KCNQ5: variants seen among roughly 807,000 people sequenced by gnomAD.
KCNQ5 encodes the protein potassium voltage-gated channel subfamily Q member 5.
Under a neutral mutation model 98.2 loss-of-function variants are expected in KCNQ5, and 30 were observed. The observed-to-expected ratio is 0.31, with a 90% CI of 0.23 to 0.41. KCNQ5 has a LOEUF of 0.41. Among genes scored for constraint, KCNQ5 ranks in the 10% least tolerant of loss-of-function variants. The pLI, the probability that KCNQ5 is intolerant of heterozygous loss-of-function variation, is 1.00. For missense variants in KCNQ5, 835 were observed against 1,182.5 expected, an observed-to-expected ratio of 0.71 and a Z score of 4.31; for synonymous variants, 458 against 449.4, an observed-to-expected ratio of 1.02 and a Z score of -0.24.
At chr6:72,940,939 A>C (rs2153830) in intron 1 of KCNQ5, among the ~76,000 whole-genome samples, 89,199 of 152,056 alleles carry the variant, frequency 0.59, 31,191 homozygotes, top group Non-Finnish European at 0.75. Context: ...GTGGGAAAAA[A>C]ATTTAAATTA....
chr6:72,624,111 C>T (rs922345769), intron 1 of KCNQ5, among the ~76,000 whole-genome samples: 1 of 152,208 alleles, frequency 6.6e-6, no homozygotes, highest in African/African-American at 2.4e-5. Context: ...GGTTGTGTTG[C>T]ATCATCATTA....
chr6:73,191,352 A>G (rs1338121724), intron 12 of KCNQ5, among the ~76,000 whole-genome samples: 1 of 152,146 alleles, frequency 6.6e-6, no homozygotes, highest in African/African-American at 2.4e-5. Flanking sequence ...CATGTCCTGT[A>G]CGGTTCTACA....
intron 1 of KCNQ5, among the ~76,000 whole-genome samples, chr6:72,889,240 G>A (rs138919760): frequency 6.6e-6 from 1 of 152,284 alleles, no homozygotes; most frequent in East Asian, 1.9e-4. Context: ...AGACCCTGGA[G>A]TGTGATTGTG....
chr6:73,141,635 T>C (rs888848672), intron 10 of KCNQ5, among the ~76,000 whole-genome samples: 1 of 152,184 alleles, frequency 6.6e-6, no homozygotes, highest in Admixed American at 6.5e-5. Flanking sequence ...ATGGATTTCA[T>C]CTCCTCCCTT....
chr6:72,798,302 A>C (rs1479829607), intron 1 of KCNQ5, among the ~76,000 whole-genome samples: 2 of 152,214 alleles, frequency 1.3e-5, no homozygotes, highest in East Asian at 3.8e-4. Context: ...GGTATCCTGC[A>C]AAGTTTATGT....
At chr6:72,941,958 G>A (rs767668119) in intron 1 of KCNQ5, among the ~76,000 whole-genome samples, 3 of 152,082 alleles carry the variant, frequency 2.0e-5, no homozygotes, top group Admixed American at 6.5e-5. Flanking sequence ...TGTTTTGTAA[G>A]GGCATATGTC....
At chr6:73,175,946 T>A (rs556732584) in intron 11 of KCNQ5, among the ~76,000 whole-genome samples, 1 of 152,114 alleles carries the variant, frequency 6.6e-6, no homozygotes, top group African/African-American at 2.4e-5. Context: ...AAGGAGGATA[T>A]AGAGGCTGGG....
chr6:72,855,132 C>T (rs1480239000), intron 1 of KCNQ5, among the ~76,000 whole-genome samples: 1 of 152,106 alleles, frequency 6.6e-6, no homozygotes, highest in African/African-American at 2.4e-5. Context: ...CAGTATTAAA[C>T]ATTCAAATTT....
At chr6:72,652,780 A>G (rs1765941211) in intron 1 of KCNQ5, among the ~76,000 whole-genome samples, 1 of 152,048 alleles carries the variant, frequency 6.6e-6, no homozygotes, top group African/African-American at 2.4e-5. Flanking sequence ...AAGAACACCC[A>G]ATCCTAGTCA....
intron 1 of KCNQ5, among the ~76,000 whole-genome samples, chr6:72,650,323 T>A (rs1008556715): frequency 6.6e-6 from 1 of 152,108 alleles, no homozygotes; most frequent in African/African-American, 2.4e-5. Context: ...TCTGGTTATA[T>A]CACATTTTAG....
intron 1 of KCNQ5, among the ~76,000 whole-genome samples, chr6:72,867,234 C>A (rs1370682295): frequency 2.0e-5 from 3 of 152,232 alleles, no homozygotes; most frequent in Non-Finnish European, 4.4e-5. Context: ...GAGTTTCTCA[C>A]AGTTTTCTTT....
chr6:73,168,479 G>A (rs1443917415), intron 10 of KCNQ5, among the ~76,000 whole-genome samples: 1 of 152,168 alleles, frequency 6.6e-6, no homozygotes, highest in Admixed American at 6.5e-5. Flanking sequence ...AAGGCAGACG[G>A]GTCACTTGAG....
chr6:72,863,363 C>T (rs1777845500), intron 1 of KCNQ5, among the ~76,000 whole-genome samples: 1 of 152,182 alleles, frequency 6.6e-6, no homozygotes, highest in African/African-American at 2.4e-5. Context: ...CATCCTAACA[C>T]CATAAATCAC....
At chr6:72,744,070 A>G (rs1045405886) in intron 1 of KCNQ5, among the ~76,000 whole-genome samples, 2 of 151,616 alleles carry the variant, frequency 1.3e-5, no homozygotes, top group Non-Finnish European at 2.9e-5. Flanking sequence ...GATACTGGTA[A>G]ATCATGCACT....
At chr6:73,158,141 G>C (rs1014954578) in intron 10 of KCNQ5, 11 of 383,916 alleles carry the variant, frequency 2.9e-5, no homozygotes, top group East Asian at 1.9e-4. Context: ...GTTGCTCCTG[G>C]TGCGGGGGAG....
At chr6:72,720,236 T>A (rs1270985692) in intron 1 of KCNQ5, among the ~76,000 whole-genome samples, 2 of 152,216 alleles carry the variant, frequency 1.3e-5, no homozygotes, top group African/African-American at 4.8e-5. Context: ...CTTAACCTTC[T>A]GGCAAGTTAG....
chr6:72,891,694 A>G (rs1190406578), intron 1 of KCNQ5, among the ~76,000 whole-genome samples: 1 of 152,184 alleles, frequency 6.6e-6, no homozygotes, highest in Non-Finnish European at 1.5e-5. Flanking sequence ...CAACTCTACC[A>G]TCTTGTTTAA....
chr6:72,836,335 A>G (rs1408762506), intron 1 of KCNQ5, among the ~76,000 whole-genome samples: 1 of 152,156 alleles, frequency 6.6e-6, no homozygotes, highest in Non-Finnish European at 1.5e-5. Flanking sequence ...TCTGAGAATA[A>G]ACTGATGATT....
intron 1 of KCNQ5, among the ~76,000 whole-genome samples, chr6:72,897,781 A>G (rs1322514984): frequency 6.6e-6 from 1 of 152,176 alleles, no homozygotes; most frequent in Non-Finnish European, 1.5e-5. Context: ...GCCTAAAATC[A>G]TGGCTTTGTT....
Sources: gnomAD v4.1 joint callset for allele counts (sites outside exome capture counted in the v4.1 genomes callset) on GRCh38, gnomAD v4.1.1 for gene constraint, MANE v1.5 for transcripts, NCBI Gene and HGNC (gene_info 2026-07-23, HGNC 2026-07-21) for gene names.